The following CD99 variants were observed in gnomAD, a reference collection of about 807,000 sequenced individuals.
The protein encoded by CD99 is CD99 antigen.
CD99 carries 19 observed loss-of-function variants against 28.4 expected under a neutral mutation model. The observed-to-expected ratio is 0.67, with a 90% CI of 0.47 to 0.98. The LOEUF (loss-of-function observed/expected upper bound fraction) is 0.98. CD99 is among the 50% of genes least tolerant of loss of function. The pLI is 0.00. For missense variants in CD99, 283 were observed against 248.8 expected (o/e 1.14, Z -0.92); for synonymous variants, 103 against 92.1 (o/e 1.12, Z -0.67).
chrX:2,709,203 A>G (rs867246025), intron 1 of CD99, among the ~76,000 whole-genome samples: 1 of 149,396 alleles, frequency 6.7e-6, no homozygotes, highest in East Asian at 2.0e-4. Context: ...ACAGGCACAT[A>G]CATGCATGCA....
intron 1 of CD99, among the ~76,000 whole-genome samples, chrX:2,709,352 C>T (rs2048276608): frequency 6.9e-6 from 1 of 145,448 alleles, no homozygotes; most frequent in Non-Finnish European, 1.6e-5. Context: ...TATATGCATG[C>T]ACACAGGTGT....
chrX:2,738,475 G>T (rs1244010548), intron 9 of CD99, among the ~76,000 whole-genome samples: 1 of 152,106 alleles, frequency 6.6e-6, no homozygotes, highest in Non-Finnish European at 1.5e-5. Flanking sequence ...ACCTATATGT[G>T]CCTAAGTCTC....
At chrX:2,718,287 C>T (rs907210484) in intron 3 of CD99, among the ~76,000 whole-genome samples, 2 of 151,996 alleles carry the variant, frequency 1.3e-5, no homozygotes, top group African/African-American at 4.8e-5. Context: ...GAGATCTCCC[C>T]CATGATGACC....
chrX:2,727,817 C>T (rs1425476548), intron 8 of CD99, among the ~76,000 whole-genome samples: 3 of 152,178 alleles, frequency 2.0e-5, no homozygotes, highest in Non-Finnish European at 2.9e-5. Flanking sequence ...GGGTCCCTCA[C>T]GCCTCTGGGT....
intron 1 of CD99, among the ~76,000 whole-genome samples, chrX:2,713,981 A>G (rs1204730990): frequency 6.6e-6 from 1 of 152,090 alleles, no homozygotes. Flanking sequence ...TTTTTTTTTA[A>G]TGCATAATGC....
At chrX:2,718,563 G>T (rs2048850170) in intron 3 of CD99, among the ~76,000 whole-genome samples, 1 of 151,910 alleles carries the variant, frequency 6.6e-6, no homozygotes, top group African/African-American at 2.4e-5. Flanking sequence ...TAGAGACGGG[G>T]TTTCACCATG....
At chrX:2,722,013 G>A (rs1453208994) in intron 5 of CD99, among the ~76,000 whole-genome samples, 7 of 151,950 alleles carry the variant, frequency 4.6e-5, no homozygotes, top group African/African-American at 1.7e-4. Flanking sequence ...AGGGGTGTGT[G>A]CAAATGTCCC....
chrX:2,711,037 A>AT (rs1252927642), intron 1 of CD99, among the ~76,000 whole-genome samples: 6 of 149,644 alleles, frequency 4.0e-5, no homozygotes, highest in African/African-American at 1.5e-4. Flanking sequence ...CGCCTGGCCA[A>AT]TTTTTTTGTA....
intron 1 of CD99, among the ~76,000 whole-genome samples, chrX:2,713,574 C>T (rs1272872055): frequency 2.6e-5 from 4 of 152,184 alleles, no homozygotes; most frequent in Non-Finnish European, 5.9e-5. Flanking sequence ...TATGCATGCA[C>T]GCTTCATTTA....
intron 1 of CD99, among the ~76,000 whole-genome samples, chrX:2,703,604 A>AGGTG (rs2047976252): frequency 1.8e-5 from 2 of 111,342 alleles, no homozygotes; most frequent in East Asian, 6.5e-4. Flanking sequence ...CCGAGCTGTT[A>AGGTG]AGTGTGTGTG....
intron 1 of CD99, among the ~76,000 whole-genome samples, chrX:2,710,964 G>A (rs183534653): frequency 1.4e-5 from 2 of 138,076 alleles, no homozygotes; most frequent in Non-Finnish European, 3.0e-5. Context: ...TCTACTTCCC[G>A]GATTCAAGCG....
chrX:2,703,501 C>T (rs1348094588), intron 1 of CD99, among the ~76,000 whole-genome samples: 5 of 152,008 alleles, frequency 3.3e-5, no homozygotes, highest in African/African-American at 4.8e-5. Context: ...CCTGTATTTA[C>T]GTGGGAGCAA....
intron 1 of CD99, among the ~76,000 whole-genome samples, chrX:2,707,650 A>G (rs1326598258): frequency 2.6e-5 from 4 of 152,106 alleles, no homozygotes; most frequent in Non-Finnish European, 5.9e-5. Context: ...TGGAGCTTTG[A>G]GAGGGCCGGG....
intron 7 of CD99, among the ~76,000 whole-genome samples, chrX:2,724,155 G>A (rs2049150448): frequency 6.6e-6 from 1 of 152,090 alleles, no homozygotes; most frequent in African/African-American, 2.4e-5. Flanking sequence ...GGACTACAAG[G>A]TCATTTTTTA....
chrX:2,726,334 A>G lies in CD99; in HGVS notation c.436A>G (p.Ile146Val). The G allele has an allele frequency of 6.2e-7, 1 of 1,611,796 alleles. No individual in the cohort carries two copies. The highest frequency in any genetic ancestry group is 2.2e-5 in the East Asian group (1 of 44,878). Residue 146 changes from isoleucine (I) to valine (V), a missense_variant, in exon 8 of 10, where the codon ATT becomes GTT. By Grantham distance (29) the Ile-to-Val change is conservative (BLOSUM62 3). Transcript: ENST00000381192. ...CGTGGCTGGAGCCATCTCTAGCTTC[A>G]TTGCTTACCAGAAAAAGAAGCTATG... ...VAVAGAISSF[I>V]AYQKKKLCFK...
At chrX:2,692,262 T>TC (rs368978836) in intron 1 of CD99, 8 of 116,010 alleles carry the variant, frequency 6.9e-5, no homozygotes, top group Admixed American at 4.9e-4. Flanking sequence ...AATTCTTTTT[T>TC]CAATGGTCAG....
chrX:2,717,716 C>T (rs374593778), intron 3 of CD99, 64 bp downstream of exon 3: 113 of 1,463,096 alleles, frequency 7.7e-5, no homozygotes, highest in African/African-American at 5.9e-4. Flanking sequence ...GACAGCAGGA[C>T]GGGACTTAGG....
rs1474739400 is a variant in CD99, at chrX:2,704,956, C to T, written c.68-9466C>T. On this transcript the variant is annotated intron_variant, in intron 1 of 9. Coordinates refer to ENST00000381192, the MANE Select transcript of CD99 (RefSeq NM_002414.5). ...TGTTGAACTCCTGGGCTCAAGCAAT[C>T]CTCCCACCTTGGCCTCCCAAAGTGT... 2.0e-5 allele frequency among the ~76,000 whole-genome samples: 3 copies of T among 152,318 alleles called. No individual in the cohort carries two copies. The South Asian group carries it at 6.2e-4, about 32-fold the overall frequency.
intron 8 of CD99, chrX:2,733,569 G>A: frequency 6.8e-6 from 4 of 590,286 alleles, no homozygotes; most frequent in South Asian, 2.4e-5. Context: ...CTTTCTGGAT[G>A]CACAGAAGCT....
Sources: gnomAD v4.1 joint callset for allele counts (sites outside exome capture counted in the v4.1 genomes callset) on GRCh38, gnomAD v4.1.1 for gene constraint, MANE v1.5 for transcripts, NCBI Gene and HGNC (gene_info 2026-07-23, HGNC 2026-07-21) for gene names.